The following NCEH1 variants were observed in gnomAD, a reference collection of about 807,000 sequenced individuals.
The protein encoded by NCEH1 is 2-acetyl MAGE hydrolase.
Under a neutral mutation model 25.4 loss-of-function variants are expected in NCEH1, and 9 were observed. The ratio of observed to expected loss-of-function variants is 0.35; its 90% CI spans 0.21 to 0.62. The LOEUF (loss-of-function observed/expected upper bound fraction) is 0.62. Ranked by LOEUF, NCEH1 falls within the 20% of genes least tolerant of loss-of-function variation. The pLI, the probability that NCEH1 is intolerant of heterozygous loss-of-function variation, is 0.72. For synonymous variants in NCEH1, 200 were observed against 199.8 expected (o/e 1.00, Z -0.01); for missense variants, 412 against 501.1 (o/e 0.82, Z 1.70).
chr3:172,696,022 A>G (rs898125216), intron 1 of NCEH1, among the ~76,000 whole-genome samples: 2 of 152,176 alleles, frequency 1.3e-5, no homozygotes, highest in African/African-American at 4.8e-5. Flanking sequence ...TCATATATCC[A>G]GTTAGAACAT....
chr3:172,694,704 A>T (rs191342521), intron 1 of NCEH1, among the ~76,000 whole-genome samples: 1 of 152,310 alleles, frequency 6.6e-6, no homozygotes, highest in East Asian at 1.9e-4. Context: ...TTCTCAGGAC[A>T]GTTCATCATA....
At chr3:172,662,034 C>A (rs1003987756) in intron 1 of NCEH1, among the ~76,000 whole-genome samples, 1 of 110,706 alleles carries the variant, frequency 9.0e-6, no homozygotes, top group Non-Finnish European at 1.7e-5. Flanking sequence ...GAGGGCATCC[C>A]TCCTCTTGTG....
intron 1 of NCEH1, among the ~76,000 whole-genome samples, chr3:172,694,084 G>T (rs181649385): frequency 6.6e-6 from 1 of 151,938 alleles, no homozygotes; most frequent in Non-Finnish European, 1.5e-5. Context: ...TTGTAGAGAC[G>T]GGTCTCACCA....
rs1490431573 is a variant in NCEH1 at position 172,633,999 on chromosome 3, G to A, written c.703C>T (p.Gln235Ter). The change falls in exon 5 of 5, where the codon CAG becomes TAG. Residue 235 changes from glutamine to a stop codon, truncating the protein, a stop_gained. Coordinates refer to ENST00000475381, the MANE Select transcript of NCEH1 (RefSeq NM_020792.6). LOFTEE classifies it low-confidence loss of function (END_TRUNC). ...QALDFNTPSY[Q>*]QNVNTPILPR... is the part of the protein sequence containing the mutation. ...AGGATTGGGGTGTTCACATTTTGCTGATAAGATGGTGTGTTAAAATCTAAA... is the reference window on the plus strand; with the variant it reads ...AGGATTGGGGTGTTCACATTTTGCTAATAAGATGGTGTGTTAAAATCTAAA... 1.2e-6 allele frequency: 2 copies of A among 1,614,060 alleles called. No homozygotes were observed. Among genetic ancestry groups the A allele is most frequent in the Non-Finnish European group, 1.7e-6 (2 of 1,180,038 alleles).
chr3:172,669,382 G>C lies in NCEH1; in HGVS notation c.139-21268C>G, dbSNP rs188261195. Among the ~76,000 whole-genome samples the C allele has an allele frequency of 7.6e-4, 115 of 152,240 alleles. 1 individual carries two copies. The South Asian group carries it at 0.014, about 19-fold the overall frequency. ...ATTTGCCTATTTCATGTTATGAGAGGAATTTGCCCTAAGGAAGTAGAACTA... is the reference window on the plus strand; with the variant it reads ...ATTTGCCTATTTCATGTTATGAGAGCAATTTGCCCTAAGGAAGTAGAACTA... On this transcript the variant is annotated intron_variant, in intron 1 of 4. Coordinates refer to ENST00000475381, the MANE Select transcript of NCEH1 (RefSeq NM_020792.6).
chr3:172,681,984 C>G (rs1245944772), intron 1 of NCEH1, among the ~76,000 whole-genome samples: 1 of 152,052 alleles, frequency 6.6e-6, no homozygotes, highest in Non-Finnish European at 1.5e-5. Flanking sequence ...TAAACATATT[C>G]CCACTGCTTA....
chr3:172,697,883 G>A (rs1004065666), intron 1 of NCEH1, among the ~76,000 whole-genome samples: 3 of 150,758 alleles, frequency 2.0e-5, no homozygotes, highest in Non-Finnish European at 4.4e-5. Context: ...AAGTGGTTGT[G>A]TTTGTAATTC....
intron 1 of NCEH1, among the ~76,000 whole-genome samples, chr3:172,698,557 G>A (rs574846702): frequency 6.6e-6 from 1 of 152,134 alleles, no homozygotes; most frequent in East Asian, 1.9e-4. Flanking sequence ...CTCTGAAAAG[G>A]GTCTCTCAAT....
At chr3:172,684,482 T>C (rs902660599) in intron 1 of NCEH1, among the ~76,000 whole-genome samples, 14 of 130,670 alleles carry the variant, frequency 1.1e-4, no homozygotes, top group Admixed American at 3.6e-4. Flanking sequence ...ACTGGATAAT[T>C]ACAAAAAACA....
At chr3:172,694,376 A>ATGTG (rs1488206507) in intron 1 of NCEH1, among the ~76,000 whole-genome samples, 2 of 147,622 alleles carry the variant, frequency 1.4e-5, no homozygotes, top group African/African-American at 5.3e-5. Context: ...AGAGTTATAT[A>ATGTG]TATGTGTGTG....
intron 1 of NCEH1, among the ~76,000 whole-genome samples, chr3:172,694,756 G>A (rs1713266345): frequency 6.6e-6 from 1 of 152,154 alleles, no homozygotes; most frequent in Non-Finnish European, 1.5e-5. Flanking sequence ...GGGCTTCTCT[G>A]ATGCCTTCTT....
At chr3:172,668,527 G>T (rs921952140) in intron 1 of NCEH1, among the ~76,000 whole-genome samples, 2 of 151,798 alleles carry the variant, frequency 1.3e-5, no homozygotes, top group African/African-American at 4.8e-5. Context: ...GCTAATTTTT[G>T]TATTTTTAGT....
At chr3:172,708,248 A>C (rs1351676164) in intron 1 of NCEH1, among the ~76,000 whole-genome samples, 1 of 152,262 alleles carries the variant, frequency 6.6e-6, no homozygotes, top group Admixed American at 6.5e-5. Context: ...TGTCTTAGGA[A>C]ATAGGCTGAG....
chr3:172,677,972 G>C (rs1712116076), intron 1 of NCEH1, among the ~76,000 whole-genome samples: 1 of 152,210 alleles, frequency 6.6e-6, no homozygotes, highest in African/African-American at 2.4e-5. Flanking sequence ...TCAAAAGTTC[G>C]ACTGATCCTG....
chr3:172,664,963 A>G (rs1360167909), intron 1 of NCEH1, among the ~76,000 whole-genome samples: 2 of 152,146 alleles, frequency 1.3e-5, no homozygotes, highest in East Asian at 3.9e-4. Context: ...AATTCTGTCA[A>G]CTCATCAAAG....
intron 1 of NCEH1, among the ~76,000 whole-genome samples, chr3:172,674,909 G>T (rs903802320): frequency 7.2e-5 from 11 of 152,132 alleles, no homozygotes; most frequent in Middle Eastern, 3.2e-3. Context: ...AGCAAACATA[G>T]AAGTTTTACT....
intron 1 of NCEH1, among the ~76,000 whole-genome samples, chr3:172,670,286 T>C (rs1350003291): frequency 6.6e-6 from 1 of 152,246 alleles, no homozygotes; most frequent in Non-Finnish European, 1.5e-5. Context: ...TTCTCCTTTA[T>C]GTTCTGAAAG....
chr3:172,651,637 A>C (rs1011908696), intron 1 of NCEH1, among the ~76,000 whole-genome samples: 7 of 148,902 alleles, frequency 4.7e-5, no homozygotes, highest in African/African-American at 1.7e-4. Context: ...CGGCTCACTG[A>C]AACCTCCGCC....
intron 1 of NCEH1, among the ~76,000 whole-genome samples, chr3:172,688,727 G>A (rs1712847788): frequency 1.3e-5 from 2 of 152,150 alleles, no homozygotes; most frequent in South Asian, 2.1e-4. Context: ...CCAGGAAGTA[G>A]GCTATTTATA....
Sources: allele counts gnomAD v4.1 joint callset (sites outside exome capture counted in the v4.1 genomes callset), GRCh38; gene constraint gnomAD v4.1.1; transcripts MANE v1.5; gene names NCBI Gene and HGNC (gene_info 2026-07-23, HGNC 2026-07-21).